Variants in SH3GLB2 observed in about 807,000 individuals in gnomAD.
The protein encoded by SH3GLB2 is endophilin-B2.
SH3GLB2 carries 24 observed loss-of-function variants against 48.0 expected under a neutral mutation model. The observed-to-expected ratio is 0.50, with a 90% confidence interval of 0.36 to 0.70. The LOEUF (loss-of-function observed/expected upper bound fraction) is 0.70. Among genes scored for constraint, SH3GLB2 ranks in the 30% least tolerant of loss-of-function variants. SH3GLB2 has a pLI of 0.00. For synonymous variants in SH3GLB2, 227 were observed against 207.6 expected (o/e 1.09, Z -0.80); for missense variants, 425 against 516.0 (o/e 0.82, Z 1.71).
chr9:129,027,819 A>T (rs1329588650), intron 1 of SH3GLB2, among the ~76,000 whole-genome samples: 2 of 152,234 alleles, frequency 1.3e-5, no homozygotes, highest in African/African-American at 4.8e-5. Context: ...CTCCTCAGCC[A>T]GGCAGGCGCC....
At chr9:129,020,941 C>T in intron 3 of SH3GLB2, 150 bp downstream of exon 3, 2 of 980,310 alleles carry the variant, frequency 2.0e-6, no homozygotes, top group Non-Finnish European at 2.7e-6. Flanking sequence ...CCATTTTTTA[C>T]TCTTTTTTTC....
chr9:129,010,303 T>C, intron 7 of SH3GLB2, 94 bp from the exon 8 acceptor site: 5 of 1,057,498 alleles, frequency 4.7e-6, no homozygotes, highest in Admixed American at 2.0e-5. Context: ...CGCCTGTCCC[T>C]TTCCCCTGGG....
chr9:129,010,097 T>C (rs779691440), intron 8 of SH3GLB2, 23 bp downstream of exon 8: 2 of 1,605,856 alleles, frequency 1.2e-6, no homozygotes, highest in Admixed American at 1.7e-5. Context: ...TTAGGTTTAG[T>C]GAGGGTGGGC....
At position 129,014,899 on chromosome 9, in the gene SH3GLB2, T is replaced by A. The variant is rs1235312091; in HGVS notation, c.340A>T (p.Thr114Ser). 1.2e-6 allele frequency: 2 copies of A among 1,613,536 alleles called. No individual in the cohort carries two copies. The highest frequency in any genetic ancestry group is 4.5e-5 in the East Asian group (2 of 44,878). ...ELGPTTPYGK[T>S]LIKVAEAEKQ... ...TCAGCTTCTGCCACCTTGATCAGTG[T>A]CTTCCCTGAGAAAACAGAGTTGAAG... The change falls in exon 4 of 11, where the codon ACA becomes TCA. Residue 114 changes from threonine to serine, a missense_variant. Coordinates refer to ENST00000372564, the MANE Select transcript of SH3GLB2 (RefSeq NM_020145.4). The surrounding 1 kb of genome is among the most constrained non-coding windows in gnomAD (Gnocchi z 4.1).
rs1286797296 is a variant in SH3GLB2 at position 129,013,046 on chromosome 9, G to A, written c.562-748C>T. 22 of 1,551,044 alleles carry A rather than the reference G, an allele frequency of 1.4e-5. No homozygotes were observed. The African/African-American group carries it at 1.5e-4, about 11-fold the overall frequency. On this transcript the variant is annotated intron_variant, in intron 5 of 10. Transcript: ENST00000372564. ...TGAGCCAAGTTACCCAAAGCAGGAC[G>A]GAAAGGAACAAAAACAAAGAGTTAG...
chr9:129,012,951 C>T (rs1034615816), intron 5 of SH3GLB2: 26 of 1,550,154 alleles, frequency 1.7e-5, no homozygotes, highest in Non-Finnish European at 2.1e-5. Flanking sequence ...CACCGTGGGT[C>T]CACGGGCAAG....
At position 129,022,334 on chromosome 9, in the gene SH3GLB2, G is replaced by C; in HGVS notation, c.153C>G (p.Asn51Lys). The C allele has an allele frequency of 6.2e-7, 1 of 1,614,184 alleles. No individual in the cohort carries two copies. The highest frequency in any genetic ancestry group is 8.5e-7 in the Non-Finnish European group (1 of 1,180,044). The change falls in exon 2 of 11, where the codon AAC becomes AAG. Residue 51 changes from asparagine (N) to lysine (K), a missense_variant. By Grantham distance (94) the Asn-to-Lys change is moderately conservative. Coordinates refer to ENST00000372564, the MANE Select transcript of SH3GLB2 (RefSeq NM_020145.4). ...NLLARADSTKNWTEKILRQTE... is the reference protein window; with the variant it reads ...NLLARADSTKKWTEKILRQTE... The stretch of plus-strand genomic sequence containing the variant: ...TCTGCCTCAAGATCTTCTCTGTCCA[G>C]TTCTTGGTGCTGTCTGCCCGGGCCA...
chr9:129,008,503 G>T lies in SH3GLB2; in HGVS notation c.*181C>A, dbSNP rs1015968231. ...AGCCACAGGTCAGAAGCAGGGCTGG[G>T]GGAGGGGTGGAGCCATTCAGCCTCA... On this transcript the variant is annotated 3_prime_UTR_variant, in exon 11 of 11. Coordinates refer to ENST00000372564, the MANE Select transcript of SH3GLB2 (RefSeq NM_020145.4). 2 of 575,122 alleles carry T rather than the reference G, an allele frequency of 3.5e-6. No individual in the cohort carries two copies. The highest frequency in any genetic ancestry group is 3.7e-5 in the African/African-American group (2 of 53,690). The allele number at this position is 575,122 out of a possible 1,614,324, so 35.6% of individuals were successfully genotyped here.
In SH3GLB2 at chr9:129,008,372, A is replaced by G; in HGVS notation, c.*312T>C. 3.0e-6 allele frequency: 1 copy of G among 338,878 alleles called. No homozygotes were observed. The highest frequency in any genetic ancestry group is 5.7e-6 in the Non-Finnish European group (1 of 174,496). 21.0% of individuals were successfully genotyped at this position (338,878 alleles called of 1,614,324 possible). ...TCCTGAGCCCATCTGCGGCGGCCCCACCCTGGCCTAGGTGCTGAGTGCAGC... is the reference window on the plus strand; with the variant it reads ...TCCTGAGCCCATCTGCGGCGGCCCCGCCCTGGCCTAGGTGCTGAGTGCAGC... On this transcript the variant is annotated 3_prime_UTR_variant, in exon 11 of 11. Coordinates refer to ENST00000372564, the MANE Select transcript of SH3GLB2 (RefSeq NM_020145.4).
At chr9:129,015,050 C>G in intron 3 of SH3GLB2, 146 bp from the exon 4 acceptor site, 1 of 978,622 alleles carries the variant, frequency 1.0e-6, no homozygotes, top group Non-Finnish European at 1.5e-6. Context: ...GCAGAAGCAA[C>G]CTACACTACA....
chr9:129,023,001 T>C lies in SH3GLB2; in HGVS notation c.64-578A>G, dbSNP rs566410023. On this transcript the variant is annotated intron_variant, in intron 1 of 10. Transcript: ENST00000372564. ...GCAAGGGGCTCTGCCTCTCTGAGCA[T>C]TGGTTTCCTGAGCTGAAAAAAGGGA... Among the ~76,000 whole-genome samples, 7 of 152,248 alleles carry C rather than the reference T, an allele frequency of 4.6e-5. 1 individual carries two copies. In the East Asian group the frequency reaches 9.6e-4, roughly 21 times the overall value.
At chr9:129,020,206 CAA>C (rs60400704) in intron 3 of SH3GLB2, among the ~76,000 whole-genome samples, 346 of 22,936 alleles carry the variant, frequency 0.015, no homozygotes, top group Non-Finnish European at 0.022. Context: ...ACTCCATCTC[CAA>C]AAAAAAAAAA....
At position 129,028,283 on chromosome 9, in the gene SH3GLB2, T is replaced by TGCCCGCCTGCCC. The variant is rs991651738; in HGVS notation, c.-141_-130dup. ...CCCTCCGCGCACCCGCCTGCCGGCC[T>TGCCCGCCTGCCC]GCCCGCCTGCCCGCCCGCCGCAGCC... On this transcript the variant is annotated 5_prime_UTR_variant, in exon 1 of 11. Transcript: ENST00000372564. The TGCCCGCCTGCCC allele has an allele frequency of 4.0e-5, 19 of 474,430 alleles. No individual in the cohort carries two copies. The highest frequency in any genetic ancestry group is 4.3e-5 in the African/African-American group (2 of 46,568). 29.4% of individuals were successfully genotyped at this position (474,430 alleles called of 1,614,324 possible).
At chr9:129,009,451 A>C in intron 9 of SH3GLB2, 105 bp from the exon 10 acceptor site, 1 of 1,549,806 alleles carries the variant, frequency 6.5e-7, no homozygotes. Flanking sequence ...CCGGCTACTC[A>C]CATGGCACCC....
At chr9:129,013,320 G>A (rs1843231521) in intron 5 of SH3GLB2, 2 of 481,252 alleles carry the variant, frequency 4.2e-6, no homozygotes, top group Non-Finnish European at 7.6e-6. Context: ...CCAGGTGAGG[G>A]AGAGGCCACA....
chr9:129,010,101 G>T lies in SH3GLB2; in HGVS notation c.738+19C>A. 1 of 1,607,072 alleles carries T rather than the reference G, an allele frequency of 6.2e-7. No individual in the cohort carries two copies. The highest frequency in any genetic ancestry group is 8.5e-7 in the Non-Finnish European group (1 of 1,173,598). On this transcript the variant is annotated intron_variant, in intron 8 of 10. Coordinates refer to ENST00000372564, the MANE Select transcript of SH3GLB2 (RefSeq NM_020145.4). ...CCTGCTGAGGGTTAGGTTTAGTGAG[G>T]GTGGGCAGTGGGACTCACGTGAGTG...
intron 8 of SH3GLB2, 100 bp downstream of exon 8, chr9:129,010,020 T>C: frequency 7.1e-7 from 1 of 1,406,018 alleles, no homozygotes; most frequent in Non-Finnish European, 1.0e-6. Context: ...GGACTTGCTC[T>C]GTGAGGGCCA....
In SH3GLB2 at chr9:129,008,365, CG is replaced by C; in HGVS notation, c.*318del. On this transcript the variant is annotated 3_prime_UTR_variant, in exon 11 of 11. Transcript: ENST00000372564. ...TGGGGCTTCCTGAGCCCATCTGCGG[CG>C]GCCCCACCCTGGCCTAGGTGCTGAG... is the stretch of plus-strand genomic sequence containing the variant. 1 of 319,710 alleles carries C rather than the reference CG, an allele frequency of 3.1e-6. No homozygotes were observed. The highest frequency in any genetic ancestry group is 6.1e-6 in the Non-Finnish European group (1 of 163,654). The allele number at this position is 319,710 out of a possible 1,614,324, so 19.8% of individuals were successfully genotyped here. A position where few individuals can be genotyped will look rare whatever the true frequency, so the allele number is the denominator to read the frequency against.
intron 3 of SH3GLB2, among the ~76,000 whole-genome samples, chr9:129,018,127 C>T (rs1260788205): frequency 6.6e-6 from 1 of 152,028 alleles, no homozygotes; most frequent in Non-Finnish European, 1.5e-5. Flanking sequence ...ACGACATGTT[C>T]ATACATTCTC....
Sources: allele counts gnomAD v4.1 joint callset (sites outside exome capture counted in the v4.1 genomes callset), GRCh38; gene constraint gnomAD v4.1.1; non-coding constraint Gnocchi (gnomAD v3.1); transcripts MANE v1.5; gene names NCBI Gene and HGNC (gene_info 2026-07-23, HGNC 2026-07-21).